The following SEMA5A variants were observed in gnomAD, a reference collection of about 807,000 sequenced individuals.
The protein encoded by SEMA5A is semaphorin 5A, also known as semaphorin-5A.
A neutral mutation model predicts 135.5 loss-of-function variants in SEMA5A; 55 were observed. That is an observed-to-expected ratio of 0.41 (90% CI 0.33 to 0.51). The LOEUF is 0.51. Ranked by LOEUF, SEMA5A falls within the 20% of genes least tolerant of loss-of-function variation. The pLI, the probability that SEMA5A is intolerant of heterozygous loss-of-function variation, is 0.37. For synonymous variants in SEMA5A, 580 were observed against 546.5 expected (o/e 1.06, Z -0.85); for missense variants, 1,290 against 1,419.9 (o/e 0.91, Z 1.47).
At chr5:9,083,001 G>A (rs1738473067) in intron 16 of SEMA5A, among the ~76,000 whole-genome samples, 1 of 152,140 alleles carries the variant, frequency 6.6e-6, no homozygotes, top group Non-Finnish European at 1.5e-5. Flanking sequence ...TTTACATGAA[G>A]CTGTCTTTTT....
At chr5:9,197,025 G>T in intron 10 of SEMA5A, 143 bp downstream of exon 10, 1 of 1,168,770 alleles carries the variant, frequency 8.6e-7, no homozygotes, top group Non-Finnish European at 1.2e-6. Context: ...AGCCAGCAGA[G>T]TATGGGGCTG....
chr5:9,204,518 G>A lies in SEMA5A; in HGVS notation c.647-2278C>T, dbSNP rs557566796. Among the ~76,000 whole-genome samples, 19 of 152,356 alleles carry A rather than the reference G, an allele frequency of 1.2e-4. No individual in the cohort carries two copies. Among genetic ancestry groups the A allele is most frequent in the South Asian group, 2.1e-4 (1 of 4,828 alleles). On this transcript the variant is annotated intron_variant, in intron 8 of 22. Coordinates refer to ENST00000382496, the MANE Select transcript of SEMA5A (RefSeq NM_003966.3). The surrounding 1 kb of genome is among the most constrained non-coding windows in gnomAD (Gnocchi z 6.4). Reference sequence around the variant, plus strand: ...ATAATAAAAACAGCTAATATCTGTAGAATGCTAAGTCTTGTGCCAAGATCT... The same window carrying A: ...ATAATAAAAACAGCTAATATCTGTAAAATGCTAAGTCTTGTGCCAAGATCT...
At chr5:9,532,390 C>T (rs971884938) in intron 1 of SEMA5A, among the ~76,000 whole-genome samples, 4 of 151,866 alleles carry the variant, frequency 2.6e-5, no homozygotes, top group Non-Finnish European at 5.9e-5. Flanking sequence ...CTCAGCCTCC[C>T]AAGTAGCTGG....
chr5:9,327,181 CT>C (rs1357577595), intron 4 of SEMA5A, among the ~76,000 whole-genome samples: 1 of 151,836 alleles, frequency 6.6e-6, no homozygotes, highest in Non-Finnish European at 1.5e-5. Flanking sequence ...GTTTTTAATT[CT>C]TTTGTGAGTT....
Position 9,066,546 on chromosome 5 carries a change from T to C in SEMA5A, c.2174A>G (p.Tyr725Cys), listed in dbSNP as rs1737477043. The C allele has an allele frequency of 1.9e-6, 3 of 1,614,050 alleles. No homozygotes were observed. Among genetic ancestry groups the C allele is most frequent in the Non-Finnish European group, 2.5e-6 (3 of 1,180,030 alleles). Reference protein sequence around the residue: ...PVNISDNGGHYEQRFRYTCKA... With the variant: ...PVNISDNGGHCEQRFRYTCKA... ...GCATGTGTATCGGAATCGTTGCTCA[T>C]AGTGGCCGCCGTTGTCAGAGATGTT... is the stretch of plus-strand genomic sequence containing the variant. Residue 725 changes from tyrosine (Y) to cysteine (C), a missense_variant, in exon 17 of 23, where the codon TAT (tyrosine) becomes TGT (cysteine). This residue lies in a region of SEMA5A where 1,029 missense variants were observed against 1,086.6 expected (regional missense o/e 0.95). Transcript: ENST00000382496.
chr5:9,500,077 G>A (rs1195028633), intron 1 of SEMA5A, among the ~76,000 whole-genome samples: 3 of 152,076 alleles, frequency 2.0e-5, no homozygotes, highest in African/African-American at 4.8e-5. Flanking sequence ...ACCCTACAGC[G>A]CAACATATGC....
At chr5:9,152,784 CA>C (rs1742700064) in intron 12 of SEMA5A, among the ~76,000 whole-genome samples, 1 of 152,210 alleles carries the variant, frequency 6.6e-6, no homozygotes, top group Non-Finnish European at 1.5e-5. Context: ...GAAACAGCAA[CA>C]ACAGGGCTGG....
At chr5:9,478,465 G>A (rs1329603465) in intron 1 of SEMA5A, among the ~76,000 whole-genome samples, 1 of 152,210 alleles carries the variant, frequency 6.6e-6, no homozygotes, top group Admixed American at 6.5e-5. Flanking sequence ...GCAGCTACAG[G>A]GGCTGTACCC....
chr5:9,143,983 C>G (rs1742197500), intron 12 of SEMA5A, among the ~76,000 whole-genome samples: 1 of 152,116 alleles, frequency 6.6e-6, no homozygotes. Flanking sequence ...TTTCAATGGC[C>G]CAACATAAAC....
At chr5:9,519,696 C>G (rs189814405) in intron 1 of SEMA5A, among the ~76,000 whole-genome samples, 46 of 152,272 alleles carry the variant, frequency 3.0e-4, no homozygotes, top group Admixed American at 3.0e-3. Context: ...TGAAGTATTA[C>G]GAAATCCACA....
chr5:9,195,227 G>A (rs867069270), intron 10 of SEMA5A, among the ~76,000 whole-genome samples: 1 of 152,178 alleles, frequency 6.6e-6, no homozygotes, highest in Non-Finnish European at 1.5e-5. Flanking sequence ...CTGGAGTGCA[G>A]TGGATGGATT....
At chr5:9,362,877 A>G (rs1754758583) in intron 3 of SEMA5A, among the ~76,000 whole-genome samples, 1 of 152,208 alleles carries the variant, frequency 6.6e-6, no homozygotes, top group Non-Finnish European at 1.5e-5. Flanking sequence ...TCTATCTGCA[A>G]ATGCACAAAT....
In SEMA5A at chr5:9,513,065, T is replaced by TA. The variant is rs1296966037; in HGVS notation, c.-175+32518dup. ...CTGAAATGAGATGCAAATATATATA[T>TA]ATAATATATATATATATATATGCAA... is the stretch of plus-strand genomic sequence containing the variant. On this transcript the variant is annotated intron_variant, in intron 1 of 22. Transcript: ENST00000382496. 2.2e-3 allele frequency among the ~76,000 whole-genome samples: 212 copies of TA among 97,288 alleles called. 1 individual carries two copies. The highest frequency in any genetic ancestry group is 3.3e-3 in the Non-Finnish European group (150 of 45,940). The allele number at this position is 97,288 out of a possible 152,430, so 63.8% of individuals were successfully genotyped here. A position where few individuals can be genotyped will look rare whatever the true frequency, so the allele number is the denominator to read the frequency against.
At chr5:9,134,192 A>G (rs949416835) in intron 13 of SEMA5A, among the ~76,000 whole-genome samples, 7 of 152,300 alleles carry the variant, frequency 4.6e-5, no homozygotes, top group African/African-American at 1.4e-4. Context: ...GTGAAAGCAG[A>G]CTAATACAAG....
At chr5:9,176,122 T>C (rs145989913) in intron 11 of SEMA5A, among the ~76,000 whole-genome samples, 1 of 152,160 alleles carries the variant, frequency 6.6e-6, no homozygotes, top group African/African-American at 2.4e-5. Context: ...TTCAAGTTAA[T>C]CAAAAGCTGG....
chr5:9,353,181 GAAGGGAAGGGA>G (rs1561177257), intron 3 of SEMA5A, among the ~76,000 whole-genome samples: 1 of 99,916 alleles, frequency 1.0e-5, no homozygotes, highest in Non-Finnish European at 1.9e-5. Context: ...GAAGGGAAAG[GAAGGGAAGGGA>G]AAGGAAAGGA....
chr5:9,201,910 G>T (rs750310886), intron 9 of SEMA5A, 45 bp downstream of exon 9: 3 of 1,537,336 alleles, frequency 2.0e-6, no homozygotes, highest in South Asian at 2.4e-5. Flanking sequence ...GACTTATTCA[G>T]AATGAGTAAG....
At chr5:9,126,449 T>A (rs1324883282) in intron 13 of SEMA5A, among the ~76,000 whole-genome samples, 1 of 151,950 alleles carries the variant, frequency 6.6e-6, no homozygotes, top group Non-Finnish European at 1.5e-5. Flanking sequence ...CTCTGGGACA[T>A]CTGTTCATCC....
At chr5:9,128,831 T>G (rs1741253119) in intron 13 of SEMA5A, among the ~76,000 whole-genome samples, 1 of 152,170 alleles carries the variant, frequency 6.6e-6, no homozygotes, top group African/African-American at 2.4e-5. Context: ...ACTATTGACA[T>G]TTGGGCTGGA....
Sources: allele counts gnomAD v4.1 joint callset (sites outside exome capture counted in the v4.1 genomes callset), GRCh38; gene constraint gnomAD v4.1.1; regional missense constraint gnomAD v4.1.1; non-coding constraint Gnocchi (gnomAD v3.1); transcripts MANE v1.5; gene names NCBI Gene and HGNC (gene_info 2026-07-23, HGNC 2026-07-21).